Variants in FGF12 observed in about 807,000 individuals in gnomAD.
The protein encoded by FGF12 is fibroblast growth factor 12.
In FGF12, 14 loss-of-function variants were observed where a neutral mutation model predicts 23.6. That is an observed-to-expected ratio of 0.59 (90% CI 0.39 to 0.93). The LOEUF (loss-of-function observed/expected upper bound fraction) is 0.93, where lower values mean the gene tolerates loss of function less well. FGF12 is among the 40% of genes least tolerant of loss of function. The pLI, the probability that FGF12 is intolerant of heterozygous loss-of-function variation, is 0.00. For missense variants in FGF12, 175 were observed against 217.8 expected (o/e 0.80, Z 1.24); for synonymous variants, 62 against 77.3 (o/e 0.80, Z 1.04).
intron 2 of FGF12, among the ~76,000 whole-genome samples, chr3:192,598,786 A>T (rs1713972455): frequency 6.6e-6 from 1 of 152,192 alleles, no homozygotes; most frequent in Non-Finnish European, 1.5e-5. Context: ...AAATCCAAAG[A>T]GTGGAGTGGA....
intron 4 of FGF12, among the ~76,000 whole-genome samples, chr3:192,283,787 C>T (rs572497769): frequency 1.1e-4 from 16 of 152,066 alleles, no homozygotes; most frequent in South Asian, 4.2e-4. Flanking sequence ...AGTGGTCAGT[C>T]GGGGAAGCAC....
chr3:192,576,427 C>T (rs1440303835), intron 2 of FGF12, among the ~76,000 whole-genome samples: 3 of 152,050 alleles, frequency 2.0e-5, no homozygotes, highest in Non-Finnish European at 4.4e-5. Flanking sequence ...TGCACATTTT[C>T]CATAACACTG....
At chr3:192,464,823 G>A (rs1722965174) in intron 2 of FGF12, among the ~76,000 whole-genome samples, 1 of 152,044 alleles carries the variant, frequency 6.6e-6, no homozygotes, top group Non-Finnish European at 1.5e-5. Flanking sequence ...AACAGGTGTG[G>A]CAATAGAGAC....
intron 2 of FGF12, among the ~76,000 whole-genome samples, chr3:192,411,507 A>G (rs1721200442): frequency 1.3e-5 from 2 of 152,244 alleles, no homozygotes; most frequent in South Asian, 4.1e-4. Context: ...ACACACGCAC[A>G]CACACACCTC....
chr3:192,395,012 C>T (rs1720460037), intron 2 of FGF12, among the ~76,000 whole-genome samples: 1 of 152,162 alleles, frequency 6.6e-6, no homozygotes, highest in Non-Finnish European at 1.5e-5. Flanking sequence ...TTGGTCTCAG[C>T]TGTAAATATA....
chr3:192,685,640 G>A (rs963161586), intron 2 of FGF12, among the ~76,000 whole-genome samples: 5 of 152,046 alleles, frequency 3.3e-5, no homozygotes, highest in African/African-American at 7.3e-5. Flanking sequence ...GTACCAGCAC[G>A]GAGGAGAGTA....
chr3:192,260,616 G>A (rs1367600427), intron 4 of FGF12, among the ~76,000 whole-genome samples: 1 of 152,106 alleles, frequency 6.6e-6, no homozygotes, highest in Admixed American at 6.6e-5. Flanking sequence ...GTTAGCATAA[G>A]GTATAAATAG....
At chr3:192,203,056 T>C (rs1336894025) in intron 4 of FGF12, among the ~76,000 whole-genome samples, 1 of 152,142 alleles carries the variant, frequency 6.6e-6, no homozygotes, top group Non-Finnish European at 1.5e-5. Context: ...TCAGTCTATA[T>C]ATAATATTAG....
chr3:192,150,474 T>C (rs370016885), intron 5 of FGF12, among the ~76,000 whole-genome samples: 22,927 of 122,676 alleles, frequency 0.19, 2,600 homozygotes, highest in South Asian at 0.28. Flanking sequence ...CTTTAATCCA[T>C]CTTGAATTGA....
In FGF12 at chr3:192,408,735, C is replaced by T. The variant is rs1014667213; in HGVS notation, c.14-48197G>A. 9 of 986,702 alleles carry T rather than the reference C, an allele frequency of 9.1e-6. No individual in the cohort carries two copies. The highest frequency in any genetic ancestry group is 6.1e-5 in the Admixed American group (1 of 16,304). 61.1% of individuals were successfully genotyped at this position (986,702 alleles called of 1,614,324 possible). Reference sequence around the variant, plus strand: ...AGTCTGGACCCAGGCGGGTAGCGCGCCCCCGGTAGAAAATACTAAAAAGTG... The same window carrying T: ...AGTCTGGACCCAGGCGGGTAGCGCGTCCCCGGTAGAAAATACTAAAAAGTG... On this transcript the variant is annotated intron_variant, in intron 2 of 5. Transcript: ENST00000445105. The surrounding 1 kb of genome is among the most constrained non-coding windows in gnomAD (Gnocchi z 7.3).
At chr3:192,201,849 C>T (rs181029108) in intron 4 of FGF12, among the ~76,000 whole-genome samples, 2 of 152,216 alleles carry the variant, frequency 1.3e-5, no homozygotes, top group Admixed American at 6.5e-5. Flanking sequence ...ATAACAGCCC[C>T]GTGTTTGTGC....
intron 2 of FGF12, among the ~76,000 whole-genome samples, chr3:192,635,605 C>G (rs1386173475): frequency 6.6e-6 from 1 of 152,176 alleles, no homozygotes; most frequent in Non-Finnish European, 1.5e-5. Context: ...TGGCCTGACA[C>G]CGTGTATACA....
intron 4 of FGF12, among the ~76,000 whole-genome samples, chr3:192,191,923 G>T (rs1716815530): frequency 6.6e-6 from 1 of 152,118 alleles, no homozygotes; most frequent in Admixed American, 6.5e-5. Flanking sequence ...TAGGGGAAAG[G>T]TTCCCCAGAA....
intron 3 of FGF12, among the ~76,000 whole-genome samples, chr3:192,347,501 G>A (rs1466565845): frequency 6.6e-6 from 1 of 152,134 alleles, no homozygotes; most frequent in Admixed American, 6.6e-5. Flanking sequence ...GATCTATGAG[G>A]AGCGGCTGCT....
intron 2 of FGF12, among the ~76,000 whole-genome samples, chr3:192,641,401 G>C (rs1361013094): frequency 2.8e-5 from 1 of 35,282 alleles, no homozygotes; most frequent in South Asian, 1.3e-3. Context: ...CACCGCGCCC[G>C]GCCTTTTTTT....
intron 2 of FGF12, among the ~76,000 whole-genome samples, chr3:192,431,821 C>T (rs1450498378): frequency 1.3e-5 from 2 of 152,162 alleles, no homozygotes; most frequent in African/African-American, 4.8e-5. Context: ...TATCAGATAA[C>T]AGCTGGGATA....
At chr3:192,369,120 C>T (rs976232564) in intron 2 of FGF12, among the ~76,000 whole-genome samples, 2 of 152,164 alleles carry the variant, frequency 1.3e-5, no homozygotes, top group Non-Finnish European at 2.9e-5. Flanking sequence ...AGGGCAGAGA[C>T]CTTATTCATC....
chr3:192,681,258 G>A (rs186821102), intron 2 of FGF12, among the ~76,000 whole-genome samples: 2 of 152,300 alleles, frequency 1.3e-5, no homozygotes, highest in African/African-American at 4.8e-5. Context: ...AACTAGAGAC[G>A]ATAAAAGGGG....
At chr3:192,533,011 C>T (rs1725131205) in intron 2 of FGF12, among the ~76,000 whole-genome samples, 1 of 152,108 alleles carries the variant, frequency 6.6e-6, no homozygotes, top group Non-Finnish European at 1.5e-5. Context: ...TATCTATTTT[C>T]AAAAGGCATT....
Sources: gnomAD v4.1 joint callset for allele counts (sites outside exome capture counted in the v4.1 genomes callset) on GRCh38, gnomAD v4.1.1 for gene constraint, Gnocchi (gnomAD v3.1) non-coding constraint, MANE v1.5 for transcripts, NCBI Gene and HGNC (gene_info 2026-07-23, HGNC 2026-07-21) for gene names.